IQCH: variants seen among roughly 807,000 people sequenced by gnomAD.
The protein encoded by IQCH is IQ domain-containing protein H.
In IQCH, 98 loss-of-function variants were observed where a neutral mutation model predicts 117.0. The observed-to-expected ratio is 0.84, with a 90% CI of 0.71 to 0.99. The LOEUF is 0.99. Among genes scored for constraint, IQCH ranks in the 50% least tolerant of loss-of-function variants. The pLI is 0.00. For missense variants in IQCH, 1,102 were observed against 1,243.8 expected, an observed-to-expected ratio of 0.89 and a Z score of 1.72; for synonymous variants, 412 against 448.2, an observed-to-expected ratio of 0.92 and a Z score of 1.02.
At chr15:67,279,847 A>T (rs1027301355) in intron 4 of IQCH, among the ~76,000 whole-genome samples, 21 of 152,092 alleles carry the variant, frequency 1.4e-4, no homozygotes, top group African/African-American at 5.1e-4. Flanking sequence ...CTAAAAATAC[A>T]AAAAATTATC....
At chr15:67,347,566 G>A (rs532273315) in intron 6 of IQCH, among the ~76,000 whole-genome samples, 21 of 151,774 alleles carry the variant, frequency 1.4e-4, no homozygotes, top group African/African-American at 4.8e-4. Flanking sequence ...GATACCATAT[G>A]GCATCACTGG....
At chr15:67,360,020 G>T (rs879179437) in intron 8 of IQCH, 135 bp downstream of exon 8, 2 of 594,656 alleles carry the variant, frequency 3.4e-6, no homozygotes, top group Non-Finnish European at 3.0e-6. Context: ...CTTTGTAAAA[G>T]AAATTAGATC....
intron 16 of IQCH, among the ~76,000 whole-genome samples, chr15:67,460,731 C>G (rs994649453): frequency 1.3e-5 from 2 of 152,244 alleles, no homozygotes; most frequent in African/African-American, 4.8e-5. Context: ...TTACTCACCT[C>G]TGACACCTGG....
chr15:67,396,525 G>A (rs984983074), intron 13 of IQCH, among the ~76,000 whole-genome samples: 1 of 152,186 alleles, frequency 6.6e-6, no homozygotes, highest in African/African-American at 2.4e-5. Flanking sequence ...CTTTGAGTTA[G>A]CCCTGGCAGA....
rs1364531910 is a variant in IQCH, at chr15:67,475,699, C to T, written c.2680C>T (p.Leu894=). The T allele has an allele frequency of 1.3e-5, 21 of 1,613,530 alleles. No individual in the cohort carries two copies. The highest frequency in any genetic ancestry group is 2.7e-5 in the African/African-American group (2 of 74,888). ...ATTCAGTTGTGCTCCTTTCCAGATG[C>T]TGGCAACCAGTCGCTATGCAGTGAT... ...KCMSALSMPM[L]ATSRYAVMTT... is the part of the protein sequence containing the mutation. Residue 894 remains leucine (L), a synonymous_variant, in exon 18 of 21, where the codon CTG becomes TTG. Transcript: ENST00000335894. This position sits in a 1 kb window ranked among gnomAD's most constrained non-coding sequence, Gnocchi z 5.7.
rs1051685616 is a variant in IQCH, at chr15:67,371,452, A to G, written c.754-659A>G. Reference sequence around the variant, plus strand: ...GATTTGTGATCCTAATCCACCTGGGACAGCCCCAGATATGTTCCTAAGAAG... The same window carrying G: ...GATTTGTGATCCTAATCCACCTGGGGCAGCCCCAGATATGTTCCTAAGAAG... On this transcript the variant is annotated intron_variant, in intron 8 of 20. Coordinates refer to ENST00000335894, the MANE Select transcript of IQCH (RefSeq NM_001031715.3). 10 of 1,520,714 alleles carry G rather than the reference A, an allele frequency of 6.6e-6. No homozygotes were observed. The East Asian group carries it at 1.4e-4, about 22-fold the overall frequency. The allele number at this position is 1,520,714 out of a possible 1,614,324, so 94.2% of individuals were successfully genotyped here.
rs765609160 is a variant in IQCH at position 67,494,266 on chromosome 15, G to A, written c.2870G>A (p.Gly957Asp). The change falls in exon 20 of 21, where the codon GGC (glycine) becomes GAC (aspartate). Residue 957 changes from glycine to aspartate, a missense_variant. By Grantham distance (94) the Gly-to-Asp change is moderately conservative. Transcript: ENST00000335894. The surrounding 1 kb of genome is among the most constrained non-coding windows in gnomAD (Gnocchi z 5.5). ...TTGGATATCATTAACAGAACAATCG[G>A]CGAGGATCTCCAGGGGGTCCTCATG... is the stretch of plus-strand genomic sequence containing the variant. The part of the protein sequence containing the change: ...KRHKLGMLTI[G>D]EDLQGVLMTF... The A allele has an allele frequency of 6.2e-7, 1 of 1,607,048 alleles. No individual in the cohort carries two copies. The highest frequency in any genetic ancestry group is 8.5e-7 in the Non-Finnish European group (1 of 1,177,814).
Position 67,421,522 on chromosome 15 carries a change from G to T in IQCH, c.2450G>T (p.Gly817Val). The T allele has an allele frequency of 6.2e-7, 1 of 1,614,186 alleles. No homozygotes were observed. The highest frequency in any genetic ancestry group is 8.5e-7 in the Non-Finnish European group (1 of 1,180,020). ...GKACRMRDVV[G>V]YFSIDLVTFI... The stretch of plus-strand genomic sequence containing the variant: ...GCCTGCAGAATGAGAGATGTGGTTG[G>T]TTACTTTTCGATAGATCTGGTGACT... Residue 817 changes from glycine to valine, a missense_variant, in exon 16 of 21, where the codon GGT becomes GTT. By Grantham distance (109) the Gly-to-Val change is moderately radical (BLOSUM62 -3). Coordinates refer to ENST00000335894, the MANE Select transcript of IQCH (RefSeq NM_001031715.3).
At chr15:67,488,755 T>C (rs1386135314) in intron 18 of IQCH, among the ~76,000 whole-genome samples, 1 of 152,158 alleles carries the variant, frequency 6.6e-6, no homozygotes, top group African/African-American at 2.4e-5. Flanking sequence ...GCAACCTAGA[T>C]CCCTTGTTTG....
chr15:67,402,523 T>C (rs1476878445), intron 14 of IQCH, among the ~76,000 whole-genome samples: 1 of 152,222 alleles, frequency 6.6e-6, no homozygotes, highest in Non-Finnish European at 1.5e-5. Flanking sequence ...AGCATTACTT[T>C]ACGAGCACAG....
intron 5 of IQCH, among the ~76,000 whole-genome samples, chr15:67,340,977 G>A (rs1225174690): frequency 6.6e-6 from 1 of 152,188 alleles, no homozygotes; most frequent in Admixed American, 6.6e-5. Flanking sequence ...GGGAGGCTGT[G>A]AAGGTAGACG....
At chr15:67,434,986 T>TG (rs2082103070) in intron 16 of IQCH, among the ~76,000 whole-genome samples, 1 of 41,248 alleles carries the variant, frequency 2.4e-5, no homozygotes, top group South Asian at 1.1e-3. Flanking sequence ...TTTGTATCTT[T>TG]GTTTTTTTTT....
Position 67,364,105 on chromosome 15 carries a change from TGTTTTA to T in IQCH, c.753+4221_753+4226del, listed in dbSNP as rs1970247885. ...GGATTGCTGGGTCGAGTGGTAATTC[TGTTTTA>T]AGTTCTTTGAGAAGTCACTAAACTG... On this transcript the variant is annotated intron_variant, in intron 8 of 20. Transcript: ENST00000335894. The surrounding 1 kb of genome is among the most constrained non-coding windows in gnomAD (Gnocchi z 4.1). Among the ~76,000 whole-genome samples the T allele has an allele frequency of 6.6e-6, 1 of 152,252 alleles. No individual in the cohort carries two copies. The highest frequency in any genetic ancestry group is 1.5e-5 in the Non-Finnish European group (1 of 68,040).
intron 6 of IQCH, among the ~76,000 whole-genome samples, chr15:67,352,628 G>A (rs995145719): frequency 6.2e-5 from 9 of 145,976 alleles, no homozygotes; most frequent in Admixed American, 1.4e-4. Context: ...CTATTGAGGA[G>A]CCTGTGGACT....
In IQCH at chr15:67,297,922, C is replaced by G. The variant is rs995420715; in HGVS notation, c.387+18410C>G. Among the ~76,000 whole-genome samples, 8 of 152,160 alleles carry G rather than the reference C, an allele frequency of 5.3e-5. No homozygotes were observed. In the South Asian group the frequency reaches 1.0e-3, roughly 20 times the overall value. On this transcript the variant is annotated intron_variant, in intron 4 of 20. Transcript: ENST00000335894. ...CCCACAGAATGGGAGAAAATATTTG[C>G]AAACTACCCATCTGACAAGGGATTA...
At chr15:67,337,180 C>G (rs1968933084) in intron 5 of IQCH, 85 bp downstream of exon 5, 1 of 1,466,864 alleles carries the variant, frequency 6.8e-7, no homozygotes, top group Non-Finnish European at 9.3e-7. Context: ...AATTTGGACT[C>G]TGGCTCAGCC....
intron 4 of IQCH, among the ~76,000 whole-genome samples, chr15:67,301,661 C>T (rs1032986458): frequency 2.0e-5 from 3 of 151,776 alleles, no homozygotes; most frequent in African/African-American, 2.4e-5. Context: ...CCACCCACCT[C>T]GGCCTCCCAA....
rs1447478245 is a variant in IQCH, at chr15:67,457,378, A to C, written c.2506-7749A>C. 6.6e-6 allele frequency among the ~76,000 whole-genome samples: 1 copy of C among 152,216 alleles called. No individual in the cohort carries two copies. Among genetic ancestry groups the C allele is most frequent in the African/African-American group, 2.4e-5 (1 of 41,440 alleles). Reference sequence around the variant, plus strand: ...CAAGTGGGGAAAAAATATGTCATTTAGTAACTGCCTAAGAAAACGTGTTCT... The same window carrying C: ...CAAGTGGGGAAAAAATATGTCATTTCGTAACTGCCTAAGAAAACGTGTTCT... On this transcript the variant is annotated intron_variant, in intron 16 of 20. Transcript: ENST00000335894. The surrounding 1 kb of genome is among the most constrained non-coding windows in gnomAD (Gnocchi z 5.7).
intron 16 of IQCH, among the ~76,000 whole-genome samples, chr15:67,437,132 A>G (rs1449208571): frequency 6.6e-6 from 1 of 152,086 alleles, no homozygotes; most frequent in African/African-American, 2.4e-5. Context: ...AAAGCTAAGA[A>G]CCCTTATGGA....
Sources: allele counts gnomAD v4.1 joint callset (sites outside exome capture counted in the v4.1 genomes callset), GRCh38; gene constraint gnomAD v4.1.1; non-coding constraint Gnocchi (gnomAD v3.1); transcripts MANE v1.5; gene names NCBI Gene and HGNC (gene_info 2026-07-23, HGNC 2026-07-21).